Variants in KDR observed in about 807,000 individuals in gnomAD.
KDR encodes vascular endothelial growth factor receptor 2.
In KDR, 43 loss-of-function variants were observed where a neutral mutation model predicts 160.9. The ratio of observed to expected loss-of-function variants is 0.27; its 90% confidence interval spans 0.21 to 0.34. The LOEUF is 0.34. KDR is among the 10% of genes least tolerant of loss of function. The probability of loss-of-function intolerance (pLI) is 1.00; values close to 1 mark genes in which losing one functional copy is unlikely to be tolerated. For missense variants in KDR, 1,469 were observed against 1,666.4 expected (o/e 0.88, Z 2.06); for synonymous variants, 617 against 600.1 (o/e 1.03, Z -0.41).
intron 2 of KDR, among the ~76,000 whole-genome samples, chr4:55,119,888 A>C (rs1230286955): frequency 6.6e-6 from 1 of 152,232 alleles, no homozygotes; most frequent in African/African-American, 2.4e-5. Flanking sequence ...CCCTTCATTC[A>C]AAGAACTTAA....
intron 21 of KDR, among the ~76,000 whole-genome samples, chr4:55,093,562 G>T (rs1720072750): frequency 6.6e-6 from 1 of 152,156 alleles, no homozygotes; most frequent in Non-Finnish European, 1.5e-5. Context: ...CAAAGAGCAG[G>T]GTAGAGGCAG....
chr4:55,094,434 G>A (rs529678702), intron 21 of KDR, among the ~76,000 whole-genome samples: 3 of 152,214 alleles, frequency 2.0e-5, no homozygotes, highest in East Asian at 3.9e-4. Flanking sequence ...TGCAACGTGG[G>A]GCAAACCACT....
chr4:55,099,505 A>T (rs78964987), intron 15 of KDR, among the ~76,000 whole-genome samples: 1 of 152,184 alleles, frequency 6.6e-6, no homozygotes, highest in Non-Finnish European at 1.5e-5. Flanking sequence ...AGAAAAAAAA[A>T]TATTTCTATT....
At position 55,110,570 on chromosome 4, in the gene KDR, T is replaced by C. The variant is rs768629027; in HGVS notation, c.1092-4A>G. On this transcript the variant is annotated splice_polypyrimidine_tract_variant and splice_region_variant and intron_variant, in intron 8 of 29. Coordinates refer to ENST00000263923, the MANE Select transcript of KDR (RefSeq NM_002253.4). The stretch of plus-strand genomic sequence containing the variant: ...AAGGGGTATTCCATTTTTATACCTA[T>C]GAAAAAAAATTCTCAGGAATTAGTA... 1.3e-5 allele frequency: 21 copies of C among 1,613,722 alleles called. No homozygotes were observed. Among genetic ancestry groups the C allele is most frequent in the East Asian group, 2.2e-5 (1 of 44,864 alleles).
rs1719683976 is a variant in KDR at position 55,079,871 on chromosome 4, A to G, written c.*70T>C. ...GCGGCTACTTCCTGCTGGTGGAAAGAACAACACTTGAAAATCTGAGCAGCA... is the reference window on the plus strand; with the variant it reads ...GCGGCTACTTCCTGCTGGTGGAAAGGACAACACTTGAAAATCTGAGCAGCA... On this transcript the variant is annotated 3_prime_UTR_variant, in exon 30 of 30. Coordinates refer to ENST00000263923, the MANE Select transcript of KDR (RefSeq NM_002253.4). 2 of 1,369,486 alleles carry G rather than the reference A, an allele frequency of 1.5e-6. No individual in the cohort carries two copies. Among genetic ancestry groups the G allele is most frequent in the Admixed American group, 3.3e-5 (2 of 59,706 alleles). The allele number at this position is 1,369,486 out of a possible 1,614,324, so 84.8% of individuals were successfully genotyped here. A position where few individuals can be genotyped will look rare whatever the true frequency, so the allele number is the denominator to read the frequency against.
At chr4:55,115,894 G>A (rs1219250437) in intron 3 of KDR, among the ~76,000 whole-genome samples, 1 of 152,052 alleles carries the variant, frequency 6.6e-6, no homozygotes, top group Non-Finnish European at 1.5e-5. Context: ...GAAAATAAAT[G>A]AATGGATCCC....
chr4:55,115,358 T>C lies in KDR; in HGVS notation c.412A>G (p.Ile138Val). 3 of 1,556,718 alleles carry C rather than the reference T, an allele frequency of 1.9e-6. No homozygotes were observed. The highest frequency in any genetic ancestry group is 2.7e-6 in the Non-Finnish European group (3 of 1,127,830). Residue 138 changes from isoleucine to valine, a missense_variant, in exon 4 of 30, where the codon ATT becomes GTT. Physicochemically the swap from Ile to Val is conservative, Grantham distance 29. This residue lies in a region of KDR where 792 missense variants were observed against 840.9 expected (regional missense o/e 0.94). Transcript: ENST00000263923. ...ACAGTTTTGTTTTTGTTCTCAGTAA[T>C]GTACACGACTCCATGTTGGTCACTA... ...SVSDQHGVVY[I>V]TENKNKTVVI... is the part of the protein sequence containing the mutation.
rs369668784 is a variant in KDR, at chr4:55,101,844, C to G, written c.2266+53G>C. On this transcript the variant is annotated intron_variant, in intron 15 of 29. Coordinates refer to ENST00000263923, the MANE Select transcript of KDR (RefSeq NM_002253.4). ...GACATGATCAGATTCCTTTTTACGG[C>G]TGCATAGCATTCCATGGTGTATATG... is the stretch of plus-strand genomic sequence containing the variant. 5.2e-5 allele frequency: 76 copies of G among 1,463,948 alleles called. No individual in the cohort carries two copies. The African/African-American group carries it at 8.3e-4, about 16-fold the overall frequency. The allele number at this position is 1,463,948 out of a possible 1,614,324, so 90.7% of individuals were successfully genotyped here.
intron 1 of KDR, among the ~76,000 whole-genome samples, chr4:55,122,348 A>T (rs962951087): frequency 6.6e-6 from 1 of 152,220 alleles, no homozygotes; most frequent in South Asian, 2.1e-4. Flanking sequence ...CCAGCTTTAA[A>T]AAAGTAATTG....
rs766771399 is a variant in KDR at position 55,118,713 on chromosome 4, G to A, written c.249C>T (p.Leu83=). The A allele has an allele frequency of 2.0e-5, 33 of 1,614,098 alleles. No individual in the cohort carries two copies. Among genetic ancestry groups the A allele is most frequent in the Non-Finnish European group, 2.7e-5 (32 of 1,179,976 alleles). Reference sequence around the variant, plus strand: ...TTGGAATTGTGAGTGTCTTACAGAAGAGGCCATCGCTGCACTCAGTCACCT... The same window carrying A: ...TTGGAATTGTGAGTGTCTTACAGAAAAGGCCATCGCTGCACTCAGTCACCT... The part of the protein sequence containing the change: ...RVEVTECSDG[L]FCKTLTIPKV... The change falls in exon 3 of 30, where the codon CTC becomes CTT. Residue 83 remains leucine (L), a synonymous_variant. Coordinates refer to ENST00000263923, the MANE Select transcript of KDR (RefSeq NM_002253.4).
At chr4:55,120,172 T>C (rs1035512602) in intron 2 of KDR, among the ~76,000 whole-genome samples, 5 of 152,136 alleles carry the variant, frequency 3.3e-5, no homozygotes, top group African/African-American at 1.2e-4. Context: ...TATACTGCAG[T>C]CTAAAATAGA....
At position 55,104,791 on chromosome 4, in the gene KDR, A is replaced by G. The variant is rs778690484; in HGVS notation, c.1839T>C (p.Asn613=). ...CKNLDTLWKL[N]ATMFSNSTND... ...TTGTGCTATTAGAGAACATGGTGGC[A>G]TTCAATTTCCAAAGAGTATCCAAGT... The change falls in exon 13 of 30, where the codon AAT becomes AAC. Residue 613 remains asparagine, a synonymous_variant. Transcript: ENST00000263923. The G allele has an allele frequency of 4.3e-6, 7 of 1,613,888 alleles. No homozygotes were observed. The African/African-American group carries it at 6.7e-5, about 15-fold the overall frequency.
At chr4:55,121,021 C>G (rs1163092236) in intron 2 of KDR, 76 bp downstream of exon 2, 1 of 995,798 alleles carries the variant, frequency 1.0e-6, no homozygotes, top group Admixed American at 1.8e-5. Context: ...TAATTCTGCT[C>G]TACTGGAAAT....
chr4:55,080,989 A>AT (rs547158058), intron 29 of KDR, among the ~76,000 whole-genome samples: 42 of 152,336 alleles, frequency 2.8e-4, no homozygotes, highest in Admixed American at 7.2e-4. Context: ...GAGAAATACA[A>AT]TTTTTTCTTT....
At position 55,125,213 on chromosome 4, in the gene KDR, A is replaced by C; in HGVS notation, c.67+14T>G. 6.2e-7 allele frequency: 1 copy of C among 1,610,470 alleles called. No individual in the cohort carries two copies. The highest frequency in any genetic ancestry group is 8.5e-7 in the Non-Finnish European group (1 of 1,178,606). ...CGACCTGTCTGCCTTCCTCCTCCAG[A>C]GTGGGCTCCTTACCCACAGAGGCGG... On this transcript the variant is annotated intron_variant, in intron 1 of 29. Transcript: ENST00000263923.
chr4:55,113,351 G>A lies in KDR; in HGVS notation c.929C>T (p.Ser310Phe). The A allele has an allele frequency of 6.2e-7, 1 of 1,614,026 alleles. No homozygotes were observed. Among genetic ancestry groups the A allele is most frequent in the Non-Finnish European group, 8.5e-7 (1 of 1,179,956 alleles). ...SDQGLYTCAA[S>F]SGLMTKKNST... ...GTTCTTCTTGGTCATCAGCCCACTG[G>A]ATGCTGCACAGGTGTACAATCCTTG... The change falls in exon 7 of 30, where the codon TCC becomes TTC. Residue 310 changes from serine (S) to phenylalanine (F), a missense_variant. By Grantham distance (155) the Ser-to-Phe change is radical (BLOSUM62 -2). Around this residue, in one of 7 missense-constraint regions of KDR, gnomAD observed 792 missense variants for 840.9 expected, o/e 0.94. Coordinates refer to ENST00000263923, the MANE Select transcript of KDR (RefSeq NM_002253.4).
rs190472231 is a variant in KDR, at chr4:55,098,531, C to T, written c.2373+166G>A. ...TCTAGTGGCTTCTATCAATTAAATC[C>T]CTGAGATCCAGCCAAAAGAAAGTGG... On this transcript the variant is annotated intron_variant, in intron 16 of 29. Coordinates refer to ENST00000263923, the MANE Select transcript of KDR (RefSeq NM_002253.4). 2.0e-5 allele frequency among the ~76,000 whole-genome samples: 3 copies of T among 152,134 alleles called. No individual in the cohort carries two copies. In the East Asian group the frequency reaches 5.8e-4, roughly 29 times the overall value.
rs746962241 is a variant in KDR at position 55,087,657 on chromosome 4, C to T, written c.3612G>A (p.Glu1204=). Reference sequence around the variant, plus strand: ...GGAATTTGGGGTCACATACTTCCTCCTCCTCCATACAGGAAACAGGTGAGG... The same window carrying T: ...GGAATTTGGGGTCACATACTTCCTCTTCCTCCATACAGGAAACAGGTGAGG... ...LPTSPVSCME[E]EEVCDPKFHY... Residue 1204 remains glutamate, a synonymous_variant, in exon 27 of 30, where the codon GAG becomes GAA. Coordinates refer to ENST00000263923, the MANE Select transcript of KDR (RefSeq NM_002253.4). The T allele has an allele frequency of 2.5e-6, 4 of 1,614,076 alleles. No homozygotes were observed. Among genetic ancestry groups the T allele is most frequent in the Middle Eastern group, 1.6e-4 (1 of 6,062 alleles).
At chr4:55,121,782 A>T (rs945274896) in intron 1 of KDR, among the ~76,000 whole-genome samples, 1 of 152,224 alleles carries the variant, frequency 6.6e-6, no homozygotes, top group Non-Finnish European at 1.5e-5. Flanking sequence ...AAACTGAGGA[A>T]GAGAAAACAT....
Sources: gnomAD v4.1 joint callset for allele counts (sites outside exome capture counted in the v4.1 genomes callset) on GRCh38, gnomAD v4.1.1 for gene constraint, gnomAD v4.1.1 regional missense constraint, MANE v1.5 for transcripts, NCBI Gene and HGNC (gene_info 2026-07-23, HGNC 2026-07-21) for gene names.